The following ZMIZ1 variants were observed in gnomAD, a reference collection of about 807,000 sequenced individuals.
ZMIZ1 encodes zinc finger MIZ-type containing 1.
ZMIZ1 carries 17 observed loss-of-function variants against 113.9 expected under a neutral mutation model. The ratio of observed to expected loss-of-function variants is 0.15; its 90% confidence interval spans 0.10 to 0.22. The LOEUF is 0.22. ZMIZ1 is among the 10% of genes least tolerant of loss of function. ZMIZ1 has a pLI of 1.00. For synonymous variants in ZMIZ1, 607 were observed against 603.1 expected (o/e 1.01, Z -0.09); for missense variants, 1,059 against 1,477.8 (o/e 0.72, Z 4.65).
At chr10:79,208,057 AGGTGGAGGTGAGGGTGGG>A (rs985392894) in intron 5 of ZMIZ1, among the ~76,000 whole-genome samples, 6 of 118,580 alleles carry the variant, frequency 5.1e-5, no homozygotes, top group African/African-American at 1.9e-4. Flanking sequence ...ATGGGGGTAG[AGGTGGAGGTGAGGGTGGG>A]GGTGGAGGTG....
intron 7 of ZMIZ1, among the ~76,000 whole-genome samples, chr10:79,229,217 A>G (rs1281482283): frequency 4.6e-5 from 7 of 152,184 alleles, no homozygotes; most frequent in Non-Finnish European, 1.5e-5. Context: ...TGTGTTTTGC[A>G]GTGGAAGCTC....
chr10:79,077,911 A>T (rs1447393917), intron 1 of ZMIZ1, among the ~76,000 whole-genome samples: 1 of 152,210 alleles, frequency 6.6e-6, no homozygotes, highest in East Asian at 1.9e-4. Context: ...TGATTTACAG[A>T]TGAGACGGTG....
chr10:79,285,938 G>A (rs942204003), intron 8 of ZMIZ1, among the ~76,000 whole-genome samples: 7 of 152,206 alleles, frequency 4.6e-5, no homozygotes, highest in African/African-American at 7.2e-5. Context: ...CCTGTATTAG[G>A]GAGCAGTTGG....
chr10:79,070,907 C>T (rs1842259651), intron 1 of ZMIZ1, among the ~76,000 whole-genome samples: 1 of 148,866 alleles, frequency 6.7e-6, no homozygotes, highest in Non-Finnish European at 1.5e-5. Flanking sequence ...CCCCTGACTG[C>T]TTTTCCAATG....
intron 2 of ZMIZ1, among the ~76,000 whole-genome samples, chr10:79,137,630 G>T (rs1845062225): frequency 6.6e-6 from 1 of 152,220 alleles, no homozygotes. Context: ...TTCCTGCCGG[G>T]TGCAGACCCA....
At chr10:79,194,600 G>A (rs955925261) in intron 4 of ZMIZ1, among the ~76,000 whole-genome samples, 4 of 152,144 alleles carry the variant, frequency 2.6e-5, no homozygotes, top group Non-Finnish European at 5.9e-5. Context: ...TGCTGACTTG[G>A]CAGCCCAGAG....
chr10:79,076,211 G>A (rs1842469809), intron 1 of ZMIZ1, among the ~76,000 whole-genome samples: 1 of 152,194 alleles, frequency 6.6e-6, no homozygotes, highest in Non-Finnish European at 1.5e-5. Context: ...ATGGGTGACC[G>A]ATCTGGGCCT....
Position 79,293,431 on chromosome 10 carries a change from G to C in ZMIZ1, c.1008G>C (p.Pro336=), listed in dbSNP as rs574399228. ...GCCAATTCATGAACCAGCCCGGGCC[G>C]CGGGGGCCTGCCTCCATGGGGGGCA... ...YNSQFMNQPG[P]RGPASMGGSM... is the part of the protein sequence containing the mutation. Residue 336 remains proline (P), a synonymous_variant, in exon 12 of 25, where the codon CCG becomes CCC. Transcript: ENST00000334512. 3.0e-4 allele frequency: 459 copies of C among 1,526,380 alleles called. No individual in the cohort carries two copies. The highest frequency in any genetic ancestry group is 3.4e-4 in the Non-Finnish European group (392 of 1,137,402). The allele number at this position is 1,526,380 out of a possible 1,614,324, so 94.6% of individuals were successfully genotyped here.
rs764524923 is a variant in ZMIZ1, at chr10:79,208,393, G to A, written c.118G>A (p.Gly40Arg). 3.1e-6 allele frequency: 5 copies of A among 1,614,092 alleles called. No homozygotes were observed. The highest frequency in any genetic ancestry group is 1.1e-5 in the South Asian group (1 of 91,090). ...CGCCACGGAGCTGCTGGACTGGTGCGGAGACCCACGGGCCTTCCAGCGGCC... is the reference window on the plus strand; with the variant it reads ...CGCCACGGAGCTGCTGGACTGGTGCAGAGACCCACGGGCCTTCCAGCGGCC... ...NAATELLDWC[G>R]DPRAFQRPFE... is the part of the protein sequence containing the mutation. Residue 40 changes from glycine to arginine, a missense_variant, in exon 6 of 25, where the codon GGA becomes AGA. Coordinates refer to ENST00000334512, the MANE Select transcript of ZMIZ1 (RefSeq NM_020338.4).
chr10:79,240,781 A>G (rs975961821), intron 7 of ZMIZ1, among the ~76,000 whole-genome samples: 1 of 150,000 alleles, frequency 6.7e-6, no homozygotes, highest in Non-Finnish European at 1.5e-5. Context: ...GAACAGGGAG[A>G]TGGGGTAGGG....
chr10:79,171,922 T>A (rs2132534265), intron 4 of ZMIZ1, among the ~76,000 whole-genome samples: 1 of 152,246 alleles, frequency 6.6e-6, no homozygotes, highest in Admixed American at 6.5e-5. Context: ...ACCTGGTACA[T>A]CGTAGGCCAT....
intron 7 of ZMIZ1, among the ~76,000 whole-genome samples, chr10:79,266,338 C>T (rs117249531): frequency 0.011 from 1,725 of 152,282 alleles, 11 homozygotes; most frequent in South Asian, 0.02. Context: ...CAGCAGTGGG[C>T]GGGGCCGTTG....
At position 79,314,294 on chromosome 10, in the gene ZMIZ1, A is replaced by G. The variant is rs1035839857; in HGVS notation, c.*1545A>G. The G allele has an allele frequency of 6.6e-6, 3 of 455,936 alleles. No individual in the cohort carries two copies. Among genetic ancestry groups the G allele is most frequent in the Non-Finnish European group, 1.3e-5 (3 of 226,314 alleles). 28.2% of individuals were successfully genotyped at this position (455,936 alleles called of 1,614,324 possible). On this transcript the variant is annotated 3_prime_UTR_variant, in exon 25 of 25. Coordinates refer to ENST00000334512, the MANE Select transcript of ZMIZ1 (RefSeq NM_020338.4). Reference sequence around the variant, plus strand: ...TCCCGTCACTGGGGTCCCATCTGTAAATTCTTTGCGCCCTTCCCGGCTGCT... The same window carrying G: ...TCCCGTCACTGGGGTCCCATCTGTAGATTCTTTGCGCCCTTCCCGGCTGCT...
intron 3 of ZMIZ1, among the ~76,000 whole-genome samples, chr10:79,157,972 G>A (rs375503075): frequency 1.3e-3 from 168 of 129,460 alleles, no homozygotes; most frequent in Middle Eastern, 0.012. Flanking sequence ...CAGCTCAGGC[G>A]CCTGAGGATC....
chr10:79,210,945 G>T (rs1313351275), intron 6 of ZMIZ1, among the ~76,000 whole-genome samples: 1 of 152,162 alleles, frequency 6.6e-6, no homozygotes, highest in Non-Finnish European at 1.5e-5. Context: ...AGGAGAGGCT[G>T]CATAGACAGT....
At chr10:79,247,653 G>A (rs1194099405) in intron 7 of ZMIZ1, among the ~76,000 whole-genome samples, 4 of 152,232 alleles carry the variant, frequency 2.6e-5, no homozygotes, top group Non-Finnish European at 5.9e-5. Context: ...GGCCTTAGAA[G>A]TGCCTGGCCT....
At chr10:79,142,031 A>T (rs1414486083) in intron 3 of ZMIZ1, among the ~76,000 whole-genome samples, 1 of 152,118 alleles carries the variant, frequency 6.6e-6, no homozygotes, top group African/African-American at 2.4e-5. Flanking sequence ...CTCGCTAGTG[A>T]ATTAGAGGTG....
At chr10:79,291,279 G>A (rs769513556) in intron 10 of ZMIZ1, 103 bp downstream of exon 10, 16 of 1,343,998 alleles carry the variant, frequency 1.2e-5, no homozygotes, top group Non-Finnish European at 1.6e-5. Flanking sequence ...TTTCTGCCCT[G>A]AGAAGTTATC....
At chr10:79,215,218 A>G (rs912785956) in intron 6 of ZMIZ1, among the ~76,000 whole-genome samples, 1 of 151,710 alleles carries the variant, frequency 6.6e-6, no homozygotes, top group Non-Finnish European at 1.5e-5. Flanking sequence ...CAGCATTACA[A>G]TGCCTGCCCC....
Sources: gnomAD v4.1 joint callset for allele counts (sites outside exome capture counted in the v4.1 genomes callset) on GRCh38, gnomAD v4.1.1 for gene constraint, MANE v1.5 for transcripts, NCBI Gene and HGNC (gene_info 2026-07-23, HGNC 2026-07-21) for gene names.